ZDHHC14: variants seen among roughly 807,000 people sequenced by gnomAD.
ZDHHC14 encodes the protein palmitoyltransferase ZDHHC14.
A neutral mutation model predicts 47.7 loss-of-function variants in ZDHHC14; 16 were observed. That is an observed-to-expected ratio of 0.34 (90% confidence interval 0.23 to 0.51). The LOEUF (loss-of-function observed/expected upper bound fraction) is 0.51, where lower values mean the gene tolerates loss of function less well. ZDHHC14 is among the 20% of genes least tolerant of loss of function. ZDHHC14 has a pLI of 0.97. For synonymous variants in ZDHHC14, 293 were observed against 278.9 expected, an observed-to-expected ratio of 1.05 and a Z score of -0.50; for missense variants, 515 against 662.5, an observed-to-expected ratio of 0.78 and a Z score of 2.44.
intron 1 of ZDHHC14, among the ~76,000 whole-genome samples, chr6:157,499,055 A>G (rs1419728339): frequency 1.3e-5 from 2 of 150,340 alleles, no homozygotes; most frequent in South Asian, 2.1e-4. Context: ...CTTGAAGAGA[A>G]AAAAAAAAAG....
chr6:157,537,715 T>A (rs1452017088), intron 1 of ZDHHC14, among the ~76,000 whole-genome samples: 2 of 152,126 alleles, frequency 1.3e-5, no homozygotes, highest in East Asian at 3.9e-4. Flanking sequence ...TCCAGGCCCT[T>A]GGGGATGGAG....
chr6:157,636,597 CT>C (rs1421873611), intron 5 of ZDHHC14, among the ~76,000 whole-genome samples: 3 of 152,092 alleles, frequency 2.0e-5, no homozygotes, highest in African/African-American at 7.2e-5. Context: ...GAAAAGGAGA[CT>C]TAACTTTAAA....
At chr6:157,589,893 T>C (rs1783841611) in intron 2 of ZDHHC14, among the ~76,000 whole-genome samples, 1 of 152,192 alleles carries the variant, frequency 6.6e-6, no homozygotes, top group Admixed American at 6.5e-5. Context: ...TGGAACTTCC[T>C]AGAGACTTGT....
At chr6:157,549,267 G>A (rs141580716) in intron 2 of ZDHHC14, among the ~76,000 whole-genome samples, 31 of 152,354 alleles carry the variant, frequency 2.0e-4, no homozygotes, top group African/African-American at 6.3e-4. Context: ...CTAGTATGCC[G>A]CGGCCGGCGG....
intron 1 of ZDHHC14, among the ~76,000 whole-genome samples, chr6:157,449,494 G>A (rs1778754059): frequency 6.6e-6 from 1 of 152,164 alleles, no homozygotes; most frequent in Non-Finnish European, 1.5e-5. Context: ...GTTATAATAA[G>A]ACTTCTGTCC....
intron 1 of ZDHHC14, among the ~76,000 whole-genome samples, chr6:157,452,765 C>T (rs1361329129): frequency 1.7e-5 from 2 of 121,014 alleles, no homozygotes; most frequent in East Asian, 2.7e-4. Context: ...TGCAGTGGTG[C>T]GATCTCGGCT....
intron 2 of ZDHHC14, among the ~76,000 whole-genome samples, chr6:157,561,761 A>G (rs1782716009): frequency 6.6e-6 from 1 of 152,090 alleles, no homozygotes; most frequent in African/African-American, 2.4e-5. Flanking sequence ...TCCTGGTTTC[A>G]AGTGATTCTG....
chr6:157,560,416 G>A (rs943371409), intron 2 of ZDHHC14, among the ~76,000 whole-genome samples: 7 of 152,102 alleles, frequency 4.6e-5, no homozygotes, highest in East Asian at 1.9e-4. Context: ...TTGTTAGAAC[G>A]TCTTAAAATA....
At chr6:157,548,595 C>T (rs529285803) in intron 2 of ZDHHC14, among the ~76,000 whole-genome samples, 8 of 152,256 alleles carry the variant, frequency 5.3e-5, no homozygotes, top group Admixed American at 1.3e-4. Flanking sequence ...TACAGGCATG[C>T]GCCACTATTC....
intron 1 of ZDHHC14, among the ~76,000 whole-genome samples, chr6:157,436,654 G>A (rs1209829672): frequency 6.6e-6 from 1 of 152,156 alleles, no homozygotes; most frequent in African/African-American, 2.4e-5. Flanking sequence ...CCTCAGAGAG[G>A]TCTGCGGGAC....
Position 157,672,994 on chromosome 6 carries a change from C to A in ZDHHC14, c.1339C>A (p.Pro447Thr). The A allele has an allele frequency of 1.9e-6, 3 of 1,587,130 alleles. No homozygotes were observed. The highest frequency in any genetic ancestry group is 2.6e-6 in the Non-Finnish European group (3 of 1,171,224). ...QFLTPDEAPSPPRLLAAGSPL... is the reference protein window; with the variant it reads ...QFLTPDEAPSTPRLLAAGSPL... ...CCTGACGCCCGATGAGGCGCCCTCG[C>A]CCCCCAGGCTACTGGCGGCGGGCAG... Residue 447 changes from proline to threonine, a missense_variant, in exon 9 of 9, where the codon CCC (proline) becomes ACC (threonine). By Grantham distance (38) the Pro-to-Thr change is conservative. Coordinates refer to ENST00000359775, the MANE Select transcript of ZDHHC14 (RefSeq NM_024630.3).
chr6:157,559,663 T>G (rs1782630424), intron 2 of ZDHHC14, among the ~76,000 whole-genome samples: 1 of 152,236 alleles, frequency 6.6e-6, no homozygotes. Flanking sequence ...TTTCACTGTT[T>G]TGTTTTTCCC....
At chr6:157,451,616 A>AGTGGC (rs1250040074) in intron 1 of ZDHHC14, among the ~76,000 whole-genome samples, 9 of 152,228 alleles carry the variant, frequency 5.9e-5, no homozygotes, top group Admixed American at 2.0e-4. Flanking sequence ...GCTGGAGGGC[A>AGTGGC]GTGGCGCAAT....
At chr6:157,612,604 C>T (rs1784795205) in intron 3 of ZDHHC14, among the ~76,000 whole-genome samples, 1 of 152,172 alleles carries the variant, frequency 6.6e-6, no homozygotes, top group South Asian at 2.1e-4. Context: ...TCATGGTATA[C>T]ACTGGGGATG....
intron 1 of ZDHHC14, among the ~76,000 whole-genome samples, chr6:157,468,251 C>T (rs571946238): frequency 2.4e-4 from 36 of 152,272 alleles, no homozygotes; most frequent in African/African-American, 8.2e-4. Flanking sequence ...TGACCTAATT[C>T]GTCTAGGAAA....
intron 2 of ZDHHC14, among the ~76,000 whole-genome samples, chr6:157,579,196 T>TTG (rs1562490149): frequency 3.5e-5 from 4 of 113,008 alleles, no homozygotes; most frequent in Non-Finnish European, 5.5e-5. Context: ...CTGTGTTTTT[T>TTG]TTTTTTTTTT....
At chr6:157,560,022 G>A (rs934630365) in intron 2 of ZDHHC14, among the ~76,000 whole-genome samples, 3 of 152,170 alleles carry the variant, frequency 2.0e-5, no homozygotes, top group African/African-American at 7.2e-5. Context: ...CATACCAGGA[G>A]GGAAATGGAT....
At chr6:157,657,435 A>G in intron 8 of ZDHHC14, among the ~76,000 whole-genome samples, 1 of 152,054 alleles carries the variant, frequency 6.6e-6, no homozygotes, top group East Asian at 1.9e-4. Flanking sequence ...AAAGAAGTGA[A>G]CAAGGCTCAC....
At chr6:157,641,713 A>G (rs913046536) in intron 5 of ZDHHC14, among the ~76,000 whole-genome samples, 1 of 152,164 alleles carries the variant, frequency 6.6e-6, no homozygotes, top group Non-Finnish European at 1.5e-5. Context: ...ATCTCATACT[A>G]CGTGGCTCCT....
Sources: gnomAD v4.1 joint callset for allele counts (sites outside exome capture counted in the v4.1 genomes callset) on GRCh38, gnomAD v4.1.1 for gene constraint, MANE v1.5 for transcripts, NCBI Gene and HGNC (gene_info 2026-07-23, HGNC 2026-07-21) for gene names.